Variants in LRCH3 observed in about 807,000 individuals in gnomAD.
LRCH3 encodes DISP complex protein LRCH3.
A neutral mutation model predicts 104.5 loss-of-function variants in LRCH3; 68 were observed. That is an observed-to-expected ratio of 0.65 (90% confidence interval 0.54 to 0.80). The LOEUF is 0.80. Among genes scored for constraint, LRCH3 ranks in the 30% least tolerant of loss-of-function variants. The probability of loss-of-function intolerance (pLI) is 0.00; values close to 1 mark genes in which losing one functional copy is unlikely to be tolerated. For missense variants in LRCH3, 951 were observed against 953.9 expected, an observed-to-expected ratio of 1.00 and a Z score of 0.04; for synonymous variants, 344 against 361.3, an observed-to-expected ratio of 0.95 and a Z score of 0.54.
At chr3:197,814,528 A>G (rs1272443062) in intron 1 of LRCH3, among the ~76,000 whole-genome samples, 1 of 152,218 alleles carries the variant, frequency 6.6e-6, no homozygotes, top group Non-Finnish European at 1.5e-5. Flanking sequence ...GATGAATTTC[A>G]GTCTACTGCA....
chr3:197,882,779 C>T, intron 20 of LRCH3: 1 of 985,242 alleles, frequency 1.0e-6, no homozygotes, highest in Non-Finnish European at 1.2e-6. Context: ...CAAACAGTGT[C>T]AACACTTCTC....
In LRCH3 at chr3:197,826,918, C is replaced by T. The variant is rs1735267227; in HGVS notation, c.681C>T (p.Cys227=). 4.3e-6 allele frequency: 7 copies of T among 1,614,038 alleles called. No individual in the cohort carries two copies. Among genetic ancestry groups the T allele is most frequent in the Non-Finnish European group, 4.2e-6 (5 of 1,179,988 alleles). Residue 227 remains cysteine (C), a synonymous_variant, in exon 5 of 21, where the codon TGC becomes TGT. Transcript: ENST00000425562. ...ELPLIRLDFS[C]NKITTIPVCY... The stretch of plus-strand genomic sequence containing the variant: ...CTTTGATACGGTTAGACTTCTCATG[C>T]AATAAAATTACCACAATCCCTGTTT...
At chr3:197,873,651 G>C (rs970800872) in intron 19 of LRCH3, among the ~76,000 whole-genome samples, 9 of 152,146 alleles carry the variant, frequency 5.9e-5, no homozygotes, top group Admixed American at 5.9e-4. Context: ...CTTGGGCCCA[G>C]GAGTTTGAGG....
chr3:197,821,936 A>G (rs1235572691), intron 4 of LRCH3, among the ~76,000 whole-genome samples: 2 of 152,236 alleles, frequency 1.3e-5, no homozygotes, highest in Non-Finnish European at 2.9e-5. Flanking sequence ...AGCCTGTCAG[A>G]GTGCTGGGAT....
intron 9 of LRCH3, among the ~76,000 whole-genome samples, chr3:197,836,587 G>A (rs1736830374): frequency 6.6e-6 from 1 of 152,060 alleles, no homozygotes; most frequent in African/African-American, 2.4e-5. Context: ...TAGAAATAGA[G>A]AAGAATCTCT....
rs1714342471 is a variant in LRCH3 at position 197,887,743 on chromosome 3, C to G, written c.*4077C>G. 7.2e-6 allele frequency: 1 copy of G among 139,696 alleles called. No individual in the cohort carries two copies. The highest frequency in any genetic ancestry group is 6.9e-5 in the Admixed American group (1 of 14,410). 8.7% of individuals were successfully genotyped at this position (139,696 alleles called of 1,614,324 possible). A position where few individuals can be genotyped will look rare whatever the true frequency, so the allele number is the denominator to read the frequency against. On this transcript the variant is annotated 3_prime_UTR_variant, in exon 21 of 21. Transcript: ENST00000425562. ...CACTGACAGTGTCTGGGGCTGAGAG[C>G]CCCCCAGCAGAGCCCTTCCCATCAC...
chr3:197,864,270 C>T (rs1435804693), intron 15 of LRCH3, among the ~76,000 whole-genome samples: 2 of 151,574 alleles, frequency 1.3e-5, no homozygotes, highest in Non-Finnish European at 2.9e-5. Context: ...TGCTCTATTG[C>T]ACTCTAGCCT....
At chr3:197,872,432 C>T (rs1712324539) in intron 19 of LRCH3, among the ~76,000 whole-genome samples, 1 of 149,828 alleles carries the variant, frequency 6.7e-6, no homozygotes, top group Admixed American at 6.7e-5. Context: ...AAAGGTGGTA[C>T]ACTACAAAGA....
Position 197,832,299 on chromosome 3 carries a change from G to A in LRCH3, c.1084G>A (p.Val362Ile). The A allele has an allele frequency of 6.2e-7, 1 of 1,613,700 alleles. No homozygotes were observed. The highest frequency in any genetic ancestry group is 8.5e-7 in the Non-Finnish European group (1 of 1,179,670). The change falls in exon 8 of 21, where the codon GTA becomes ATA. Residue 362 changes from valine (V) to isoleucine (I), a missense_variant. Val to Ile is a conservative substitution (Grantham distance 29, BLOSUM62 3). Coordinates refer to ENST00000425562, the MANE Select transcript of LRCH3 (RefSeq NM_001365715.1). Reference sequence around the variant, plus strand: ...GTACCAAGAGAACCGCGGCAGTTTGGTAGTAACAAACGGCGGAGGTAAACA... The same window carrying A: ...GTACCAAGAGAACCGCGGCAGTTTGATAGTAACAAACGGCGGAGGTAAACA... Reference protein sequence around the residue: ...SQYQENRGSLVVTNGGVEHDL... With the variant: ...SQYQENRGSLIVTNGGVEHDL...
intron 4 of LRCH3, among the ~76,000 whole-genome samples, chr3:197,825,541 T>G (rs562277729): frequency 6.3e-5 from 8 of 127,362 alleles, no homozygotes; most frequent in African/African-American, 2.0e-4. Flanking sequence ...GTGCAGTGGC[T>G]CAATCTCGGC....
chr3:197,860,096 C>G (rs1045618812), intron 15 of LRCH3, among the ~76,000 whole-genome samples: 3 of 152,104 alleles, frequency 2.0e-5, no homozygotes, highest in African/African-American at 7.2e-5. Context: ...TGCTCTGTCT[C>G]CCAGGCTGGA....
At chr3:197,865,518 T>G in intron 16 of LRCH3, 47 bp downstream of exon 16, 1 of 1,164,868 alleles carries the variant, frequency 8.6e-7, no homozygotes, top group Non-Finnish European at 1.2e-6. Flanking sequence ...TTATAATTCT[T>G]TATTTTTTTA....
chr3:197,823,096 T>TCTCCTGCCTCAGCCTCCCA (rs1560542339), intron 4 of LRCH3: 1 of 146,400 alleles, frequency 6.8e-6, no homozygotes, highest in African/African-American at 2.5e-5. Flanking sequence ...TAGCTGGGAT[T>TCTCCTGCCTCAGCCTCCCA]ACAGGTGCCC....
chr3:197,807,218 A>ATT lies in LRCH3; in HGVS notation c.263-7675_263-7674dup, dbSNP rs57105492. Among the ~76,000 whole-genome samples the ATT allele has an allele frequency of 7.8e-3, 1,050 of 134,614 alleles. 12 individuals are homozygous for ATT. The highest frequency in any genetic ancestry group is 0.026 in the African/African-American group (962 of 36,576). 88.3% of individuals were successfully genotyped at this position (134,614 alleles called of 152,430 possible). Reference sequence around the variant, plus strand: ...TTTCTTGTAAATAACATAGAGTTGCATTTTTTTTTTTTTTTTGAGACGGAG... The same window carrying ATT: ...TTTCTTGTAAATAACATAGAGTTGCATTTTTTTTTTTTTTTTTTGAGACGGAG... On this transcript the variant is annotated intron_variant, in intron 1 of 20. Coordinates refer to ENST00000425562, the MANE Select transcript of LRCH3 (RefSeq NM_001365715.1).
At chr3:197,847,655 G>A (rs1417858521) in intron 11 of LRCH3, among the ~76,000 whole-genome samples, 195 bp downstream of exon 11, 2 of 490 alleles carry the variant, frequency 4.1e-3, no homozygotes, top group African/African-American at 8.2e-3. Context: ...TTACCTTCAT[G>A]ATGGCTTTAT....
chr3:197,857,777 C>T (rs1480348331), intron 14 of LRCH3, among the ~76,000 whole-genome samples: 1 of 152,124 alleles, frequency 6.6e-6, no homozygotes, highest in East Asian at 1.9e-4. Context: ...CACAGTTTTG[C>T]TCTTTGGTAT....
At chr3:197,833,380 A>AAG (rs1313773099) in intron 8 of LRCH3, among the ~76,000 whole-genome samples, 4 of 148,854 alleles carry the variant, frequency 2.7e-5, no homozygotes, top group African/African-American at 9.8e-5. Flanking sequence ...AAAAAAAAAA[A>AAG]AAAAAAAAAA....
At position 197,810,458 on chromosome 3, in the gene LRCH3, A is replaced by C. The variant is rs841673; in HGVS notation, c.263-4450A>C. 0.77 allele frequency among the ~76,000 whole-genome samples: 117,549 copies of C among 152,060 alleles called. 46,746 individuals are homozygous for C. The highest frequency in any genetic ancestry group is 0.94 in the East Asian group (4,886 of 5,188). On this transcript the variant is annotated intron_variant, in intron 1 of 20. Transcript: ENST00000425562. This position sits in a 1 kb window ranked among gnomAD's most constrained non-coding sequence, Gnocchi z 4.0. The stretch of plus-strand genomic sequence containing the variant: ...ATGAGCTACCGTGCCTGGCTATTTT[A>C]TTTTTAAACTTGGAGAGGTCAGCTC...
intron 20 of LRCH3, chr3:197,880,556 C>T (rs1713665747): frequency 1.3e-6 from 2 of 1,536,380 alleles, no homozygotes; most frequent in Non-Finnish European, 1.7e-6. Context: ...TAAACCTCAG[C>T]GTTAAAAGAA....
Sources: gnomAD v4.1 joint callset for allele counts (sites outside exome capture counted in the v4.1 genomes callset) on GRCh38, gnomAD v4.1.1 for gene constraint, Gnocchi (gnomAD v3.1) non-coding constraint, MANE v1.5 for transcripts, NCBI Gene and HGNC (gene_info 2026-07-23, HGNC 2026-07-21) for gene names.